TMEM242: variants seen among roughly 807,000 people sequenced by gnomAD.
The protein encoded by TMEM242 is UPF0463 transmembrane protein C6orf35.
In TMEM242, 10 loss-of-function variants were observed where a neutral mutation model predicts 18.2. The ratio of observed to expected loss-of-function variants is 0.55; its 90% CI spans 0.34 to 0.93. The LOEUF (loss-of-function observed/expected upper bound fraction) is 0.93. TMEM242 is among the 40% of genes least tolerant of loss of function. The probability of loss-of-function intolerance (pLI) is 0.02; values close to 1 mark genes in which losing one functional copy is unlikely to be tolerated. For synonymous variants in TMEM242, 57 were observed against 69.9 expected (o/e 0.81, Z 0.92); for missense variants, 186 against 175.5 (o/e 1.06, Z -0.34).
chr6:157,319,858 G>A (rs1778464676), intron 2 of TMEM242, among the ~76,000 whole-genome samples: 1 of 152,156 alleles, frequency 6.6e-6, no homozygotes, highest in Admixed American at 6.5e-5. Flanking sequence ...ACCATGTTGG[G>A]CAAGTTGCTT....
At chr6:157,313,384 ACGCT>A in intron 3 of TMEM242, among the ~76,000 whole-genome samples, 1 of 16,768 alleles carries the variant, frequency 6.0e-5, no homozygotes. Flanking sequence ...GCCTCAGTGT[ACGCT>A]CACCGGGCCT....
Position 157,292,012 on chromosome 6 carries a change from C to T in TMEM242, c.*889G>A, listed in dbSNP as rs1777689894. ...CTGTGGAAGACAGGAGGGAGTTGGG[C>T]GTGCACACAGAATTTACCCTAACAG... On this transcript the variant is annotated 3_prime_UTR_variant, in exon 4 of 4. Coordinates refer to ENST00000400788, the MANE Select transcript of TMEM242 (RefSeq NM_018452.6). The T allele has an allele frequency of 6.6e-6, 1 of 152,072 alleles. No individual in the cohort carries two copies. The highest frequency in any genetic ancestry group is 1.5e-5 in the Non-Finnish European group (1 of 68,018). The allele number at this position is 152,072 out of a possible 1,614,324, so 9.4% of individuals were successfully genotyped here.
chr6:157,313,899 A>C (rs1583573225), intron 3 of TMEM242, among the ~76,000 whole-genome samples: 1 of 151,334 alleles, frequency 6.6e-6, no homozygotes, highest in South Asian at 2.1e-4. Flanking sequence ...GTGTGCGCTC[A>C]CCTGGCCTCA....
In TMEM242 at chr6:157,294,347, C is replaced by CTTTTT. The variant is rs587765277; in HGVS notation, c.328-1353_328-1349dup. On this transcript the variant is annotated intron_variant, in intron 3 of 3. Coordinates refer to ENST00000400788, the MANE Select transcript of TMEM242 (RefSeq NM_018452.6). The stretch of plus-strand genomic sequence containing the variant: ...CTCATATGCAACATGCAAGTCATTT[C>CTTTTT]TTTTTTTTTTTTTTTTTTTTTGAGA... Among the ~76,000 whole-genome samples, 196 of 115,142 alleles carry CTTTTT rather than the reference C, an allele frequency of 1.7e-3. 1 individual carries two copies. The highest frequency in any genetic ancestry group is 4.6e-3 in the Middle Eastern group (1 of 216). The allele number at this position is 115,142 out of a possible 152,430, so 75.5% of individuals were successfully genotyped here.
At chr6:157,295,877 T>C (rs113564962) in intron 3 of TMEM242, among the ~76,000 whole-genome samples, 4,989 of 152,186 alleles carry the variant, frequency 0.033, 259 homozygotes, top group African/African-American at 0.11. Flanking sequence ...ATTTAAGATA[T>C]AAACAGGGCC....
intron 3 of TMEM242, among the ~76,000 whole-genome samples, chr6:157,310,330 A>C (rs1554248249): frequency 1.2e-4 from 2 of 16,270 alleles, no homozygotes; most frequent in African/African-American, 4.4e-4. Context: ...CCAAACTTAA[A>C]CTATCTGTCT....
At chr6:157,301,952 A>G (rs1293199137) in intron 3 of TMEM242, among the ~76,000 whole-genome samples, 2 of 152,164 alleles carry the variant, frequency 1.3e-5, no homozygotes, top group African/African-American at 4.8e-5. Context: ...GAAAAAAGGC[A>G]GTCCAGGAGG....
chr6:157,296,050 A>G (rs1308619231), intron 3 of TMEM242, among the ~76,000 whole-genome samples: 3 of 152,228 alleles, frequency 2.0e-5, no homozygotes, highest in Non-Finnish European at 4.4e-5. Context: ...TCTATACATG[A>G]AGCCAACAGA....
chr6:157,323,225 A>G (rs1035694919), intron 1 of TMEM242, among the ~76,000 whole-genome samples, 187 bp downstream of exon 1: 34 of 152,108 alleles, frequency 2.2e-4, no homozygotes, highest in Non-Finnish European at 4.4e-5. Context: ...GCCCCGCCCA[A>G]GGGGAGACTC....
chr6:157,321,157 C>T (rs1220257363), intron 2 of TMEM242, among the ~76,000 whole-genome samples: 4 of 151,888 alleles, frequency 2.6e-5, no homozygotes, highest in African/African-American at 9.7e-5. Flanking sequence ...TACAGGCACC[C>T]GCCACCCGCC....
chr6:157,309,960 A>C (rs1777972780), intron 3 of TMEM242, among the ~76,000 whole-genome samples: 1 of 152,198 alleles, frequency 6.6e-6, no homozygotes, highest in Non-Finnish European at 1.5e-5. Context: ...TCATTCTGCC[A>C]GTCCTTTGAG....
At chr6:157,320,502 G>A (rs1441381741) in intron 2 of TMEM242, among the ~76,000 whole-genome samples, 2 of 152,030 alleles carry the variant, frequency 1.3e-5, no homozygotes, top group Admixed American at 6.6e-5. Flanking sequence ...ATGGAGTCTC[G>A]CTCTGTCACC....
intron 3 of TMEM242, among the ~76,000 whole-genome samples, chr6:157,315,401 T>C (rs1164795601): frequency 6.6e-6 from 1 of 152,234 alleles, no homozygotes; most frequent in Non-Finnish European, 1.5e-5. Context: ...TTAAAAGATA[T>C]GACCTTGAAA....
chr6:157,293,186 C>T (rs587733867), intron 3 of TMEM242, among the ~76,000 whole-genome samples, 187 bp from the exon 4 acceptor site: 2 of 152,074 alleles, frequency 1.3e-5, no homozygotes, highest in East Asian at 3.9e-4. Context: ...TACTTCCTTT[C>T]TTCTTCTGAG....
intron 3 of TMEM242, among the ~76,000 whole-genome samples, chr6:157,307,472 C>T (rs1456385167): frequency 1.3e-5 from 2 of 152,138 alleles, no homozygotes; most frequent in African/African-American, 2.4e-5. Flanking sequence ...GCCAAAACAG[C>T]GGATTCCCCT....
At position 157,290,100 on chromosome 6, in the gene TMEM242, G is replaced by A. The variant is rs1777665989; in HGVS notation, c.*2801C>T. 2.0e-5 allele frequency: 3 copies of A among 152,172 alleles called. No homozygotes were observed. Among genetic ancestry groups the A allele is most frequent in the African/African-American group, 7.2e-5 (3 of 41,424 alleles). 9.4% of individuals were successfully genotyped at this position (152,172 alleles called of 1,614,324 possible). On this transcript the variant is annotated 3_prime_UTR_variant, in exon 4 of 4. Coordinates refer to ENST00000400788, the MANE Select transcript of TMEM242 (RefSeq NM_018452.6). ...GCAGCAGCAACTTACCAGGATACAT[G>A]TTTTCCCTTGAATGAATCCTGGGGT...
chr6:157,317,531 C>G (rs1181601049), intron 3 of TMEM242, among the ~76,000 whole-genome samples: 1 of 152,210 alleles, frequency 6.6e-6, no homozygotes, highest in African/African-American at 2.4e-5. Context: ...TCAACCTTCA[C>G]TGCCTTGGTG....
At chr6:157,299,473 A>T in intron 3 of TMEM242, 3 of 1,401,948 alleles carry the variant, frequency 2.1e-6, no homozygotes. Context: ...CAGAGTGGAT[A>T]CCAAGCTTTT....
chr6:157,299,852 A>G, intron 3 of TMEM242: 1 of 1,612,940 alleles, frequency 6.2e-7, no homozygotes, highest in Non-Finnish European at 8.5e-7. Flanking sequence ...GCCTTCATCA[A>G]GATCCACAAG....
Sources: gnomAD v4.1 joint callset for allele counts (sites outside exome capture counted in the v4.1 genomes callset) on GRCh38, gnomAD v4.1.1 for gene constraint, MANE v1.5 for transcripts, NCBI Gene and HGNC (gene_info 2026-07-23, HGNC 2026-07-21) for gene names.